CSN1S1: variants seen among roughly 807,000 people sequenced by gnomAD.
CSN1S1 encodes the protein casein alpha s1, also known as alpha-S1-casein.
In CSN1S1, 63 loss-of-function variants were observed where a neutral mutation model predicts 49.1. The ratio of observed to expected loss-of-function variants is 1.28; its 90% CI spans 1.05 to 1.58. The LOEUF (loss-of-function observed/expected upper bound fraction) is 1.58. Ranked by LOEUF, CSN1S1 falls within the 40% of genes most tolerant of loss-of-function variation. The pLI, the probability that CSN1S1 is intolerant of heterozygous loss-of-function variation, is 0.00. For missense variants in CSN1S1, 260 were observed against 224.7 expected (o/e 1.16, Z -1.01); for synonymous variants, 78 against 67.1 (o/e 1.16, Z -0.79).
chr4:69,939,288 C>T (rs1404506264), intron 10 of CSN1S1, 80 bp downstream of exon 10: 2 of 1,011,656 alleles, frequency 2.0e-6, no homozygotes, highest in Non-Finnish European at 3.0e-6. Flanking sequence ...ATTACATATC[C>T]CTTAAGGTCT....
Position 69,940,119 on chromosome 4 carries a change from A to T in CSN1S1, c.300+75A>T, listed in dbSNP as rs920630667. ...TTAAAATGCACTTACTTTCACACAC[A>T]CACACACACACACACACACACACAC... On this transcript the variant is annotated intron_variant, in intron 11 of 15. Transcript: ENST00000246891. 1,382 of 422,370 alleles carry T rather than the reference A, an allele frequency of 3.3e-3. 41 individuals carry two copies. Among genetic ancestry groups the T allele is most frequent in the South Asian group, 5.3e-3 (91 of 17,026 alleles). The allele number at this position is 422,370 out of a possible 1,614,324, so 26.2% of individuals were successfully genotyped here.
intron 7 of CSN1S1, 126 bp downstream of exon 7, chr4:69,936,733 A>G (rs1722800772): frequency 2.5e-6 from 2 of 807,370 alleles, no homozygotes; most frequent in Admixed American, 3.0e-5. Flanking sequence ...TTTCACTCAT[A>G]CATTTGTAGT....
At position 69,934,199 on chromosome 4, in the gene CSN1S1, T is replaced by C. The variant is rs756868319; in HGVS notation, c.52-13T>C. On this transcript the variant is annotated splice_polypyrimidine_tract_variant and intron_variant, in intron 2 of 15. Coordinates refer to ENST00000246891, the MANE Select transcript of CSN1S1 (RefSeq NM_001890.2). The stretch of plus-strand genomic sequence containing the variant: ...TACTTTTTGTTTTACAATTCTTGCA[T>C]TGTTTTTCACAGAAACTTCCTCTTA... The C allele has an allele frequency of 2.5e-6, 4 of 1,605,260 alleles. No individual in the cohort carries two copies.
chr4:69,933,075 G>T (rs1722659911), intron 2 of CSN1S1, among the ~76,000 whole-genome samples: 2 of 151,670 alleles, frequency 1.3e-5, no homozygotes, highest in Non-Finnish European at 2.9e-5. Context: ...GAGATGGCTT[G>T]TGTCAACTTT....
chr4:69,939,897 G>T, intron 10 of CSN1S1, 124 bp from the exon 11 acceptor site: 1 of 590,668 alleles, frequency 1.7e-6, no homozygotes, highest in South Asian at 2.2e-5. Context: ...AGTTTTTTGG[G>T]AATTTATCAC....
intron 13 of CSN1S1, among the ~76,000 whole-genome samples, chr4:69,942,324 T>C (rs1294069117): frequency 1.3e-5 from 2 of 152,008 alleles, no homozygotes; most frequent in Non-Finnish European, 2.9e-5. Context: ...TGTTTATTTT[T>C]CCAAACTATA....
In CSN1S1 at chr4:69,939,189, G is replaced by A; in HGVS notation, c.257G>A (p.Ser86Asn). 1 of 1,599,914 alleles carries A rather than the reference G, an allele frequency of 6.3e-7. No homozygotes were observed. The highest frequency in any genetic ancestry group is 8.5e-7 in the Non-Finnish European group (1 of 1,170,382). The change falls in exon 10 of 16, where the codon AGC becomes AAC. Residue 86 changes from serine to asparagine, a missense_variant. Ser to Asn is a conservative substitution (Grantham distance 46, BLOSUM62 1). Transcript: ENST00000246891. ...VVAEPEKMES[S>N]ISSSSEEMSL... ...TCTTTCTTTTAGAAGATGGAATCCA[G>A]CATCAGTTCATCGAGTGAGGTAAAT...
At chr4:69,937,229 T>C (rs1722814556) in intron 8 of CSN1S1, 85 bp downstream of exon 8, 2 of 1,007,844 alleles carry the variant, frequency 2.0e-6, no homozygotes, top group Non-Finnish European at 2.9e-6. Context: ...TTATTTTAAA[T>C]AAAAACTATG....
chr4:69,942,244 A>T (rs1448992319), intron 13 of CSN1S1, among the ~76,000 whole-genome samples, 181 bp downstream of exon 13: 1 of 151,950 alleles, frequency 6.6e-6, no homozygotes, highest in Non-Finnish European at 1.5e-5. Context: ...AATAGCCATA[A>T]ATAGAAAAAT....
intron 13 of CSN1S1, 31 bp from the exon 14 acceptor site, chr4:69,942,505 A>C (rs1444196408): frequency 6.5e-7 from 1 of 1,540,100 alleles, no homozygotes; most frequent in South Asian, 1.2e-5. Context: ...AAGATGTCTA[A>C]GTAATTTAGA....
chr4:69,933,200 C>T (rs769639259), intron 2 of CSN1S1, among the ~76,000 whole-genome samples: 3 of 151,802 alleles, frequency 2.0e-5, no homozygotes, highest in Non-Finnish European at 2.9e-5. Context: ...TACCTTTCTT[C>T]TCAAAAAGAG....
At chr4:69,938,314 T>C (rs1326929859) in intron 9 of CSN1S1, among the ~76,000 whole-genome samples, 6 of 151,750 alleles carry the variant, frequency 4.0e-5, no homozygotes, top group African/African-American at 1.4e-4. Context: ...GCAAAAGTTA[T>C]TGTGCTTTTT....
At chr4:69,935,837 C>A in intron 4 of CSN1S1, 89 bp from the exon 5 acceptor site, 2 of 833,022 alleles carry the variant, frequency 2.4e-6, no homozygotes, top group Non-Finnish European at 3.9e-6. Flanking sequence ...AATAGAAGAA[C>A]ATAACGTTTT....
intron 14 of CSN1S1, 54 bp downstream of exon 14, chr4:69,942,631 A>G: frequency 7.1e-7 from 1 of 1,412,390 alleles, no homozygotes; most frequent in Non-Finnish European, 9.8e-7. Flanking sequence ...AAGCTTAAAT[A>G]TGTTTGCTCT....
In CSN1S1 at chr4:69,940,017, A is replaced by G. The variant is rs763168661; in HGVS notation, c.277-4A>G. 1.9e-5 allele frequency: 26 copies of G among 1,392,064 alleles called. 1 individual carries two copies. In the South Asian group the frequency reaches 3.7e-4, roughly 20 times the overall value. 86.2% of individuals were successfully genotyped at this position (1,392,064 alleles called of 1,614,324 possible). The stretch of plus-strand genomic sequence containing the variant: ...AAACTATGCATGTTTTAATTTTTTT[A>G]AAGGAAATGTCTCTCAGTAAGTGTG... On this transcript the variant is annotated splice_polypyrimidine_tract_variant and splice_region_variant and intron_variant, in intron 10 of 15. Transcript: ENST00000246891.
chr4:69,939,470 C>T (rs981288743), intron 10 of CSN1S1, among the ~76,000 whole-genome samples: 1 of 151,694 alleles, frequency 6.6e-6, no homozygotes, highest in Non-Finnish European at 1.5e-5. Flanking sequence ...TAACCAATTA[C>T]TTTGTCCTTC....
intron 10 of CSN1S1, among the ~76,000 whole-genome samples, chr4:69,939,503 C>G (rs1303038418): frequency 6.6e-6 from 1 of 151,690 alleles, no homozygotes; most frequent in Non-Finnish European, 1.5e-5. Context: ...AAAACTCAAT[C>G]TTATCATTAA....
At chr4:69,932,118 A>G (rs1381326421) in intron 1 of CSN1S1, among the ~76,000 whole-genome samples, 1 of 151,956 alleles carries the variant, frequency 6.6e-6, no homozygotes, top group Non-Finnish European at 1.5e-5. Context: ...CAATAAAATT[A>G]AATTCCAGTT....
intron 11 of CSN1S1, 67 bp downstream of exon 11, chr4:69,940,111 TCACACACACACACACACA>T (rs35000195): frequency 1.5e-5 from 6 of 405,276 alleles, no homozygotes; most frequent in African/African-American, 1.1e-4. Flanking sequence ...GCACTTACTT[TCACACACACACACACACA>T]CACACACACA....
Sources: allele counts gnomAD v4.1 joint callset (sites outside exome capture counted in the v4.1 genomes callset), GRCh38; gene constraint gnomAD v4.1.1; transcripts MANE v1.5; gene names NCBI Gene and HGNC (gene_info 2026-07-23, HGNC 2026-07-21).